The following KCNIP1 variants were observed in gnomAD, a reference collection of about 807,000 sequenced individuals.
KCNIP1 encodes the protein potassium voltage-gated channel interacting protein 1, also known as A-type potassium channel modulatory protein KCNIP1.
A neutral mutation model predicts 33.0 loss-of-function variants in KCNIP1; 18 were observed. The ratio of observed to expected loss-of-function variants is 0.55; its 90% CI spans 0.38 to 0.81. The LOEUF (loss-of-function observed/expected upper bound fraction) is 0.81. Ranked by LOEUF, KCNIP1 falls within the 30% of genes least tolerant of loss-of-function variation. The pLI, the probability that KCNIP1 is intolerant of heterozygous loss-of-function variation, is 0.00. For synonymous variants in KCNIP1, 93 were observed against 98.3 expected (o/e 0.95, Z 0.32); for missense variants, 238 against 271.6 (o/e 0.88, Z 0.87).
At chr5:170,595,330 G>A (rs1473575807) in intron 1 of KCNIP1, among the ~76,000 whole-genome samples, 2 of 152,258 alleles carry the variant, frequency 1.3e-5, no homozygotes, top group African/African-American at 4.8e-5. Flanking sequence ...TGCGTCTGAG[G>A]GGCTGTGCCC....
intron 1 of KCNIP1, among the ~76,000 whole-genome samples, chr5:170,363,622 G>A (rs148946600): frequency 6.6e-6 from 1 of 152,312 alleles, no homozygotes; most frequent in East Asian, 1.9e-4. Flanking sequence ...TGCGACATTC[G>A]ATTATGGCAG....
chr5:170,505,309 G>T (rs1754673357), intron 1 of KCNIP1, among the ~76,000 whole-genome samples: 1 of 152,290 alleles, frequency 6.6e-6, no homozygotes, highest in Admixed American at 6.5e-5. Flanking sequence ...GCCGAGGCAT[G>T]GCTGATCTCA....
chr5:170,635,027 ATTATTTAT>A (rs1219765056), intron 1 of KCNIP1, among the ~76,000 whole-genome samples: 1 of 151,962 alleles, frequency 6.6e-6, no homozygotes, highest in African/African-American at 2.4e-5. Context: ...TCTTTTATTT[ATTATTTAT>A]TTATTTATTT....
At chr5:170,483,058 A>G (rs10076544) in intron 1 of KCNIP1, 75,653 of 454,292 alleles carry the variant, frequency 0.17, 8,296 homozygotes, top group African/African-American at 0.34. Flanking sequence ...TTCCAAGGAC[A>G]GATGGAGTCA....
At chr5:170,539,070 T>G (rs1445084077) in intron 1 of KCNIP1, among the ~76,000 whole-genome samples, 1 of 152,030 alleles carries the variant, frequency 6.6e-6, no homozygotes, top group African/African-American at 2.4e-5. Context: ...CTCCAGAATC[T>G]GTCTCATTTC....
At chr5:170,661,209 C>T (rs1299278841) in intron 1 of KCNIP1, among the ~76,000 whole-genome samples, 5 of 152,168 alleles carry the variant, frequency 3.3e-5, no homozygotes, top group Non-Finnish European at 7.3e-5. Context: ...TTGAGTTACA[C>T]ATTTGAGGGC....
At chr5:170,418,115 C>A (rs1326719398) in intron 1 of KCNIP1, among the ~76,000 whole-genome samples, 4 of 152,180 alleles carry the variant, frequency 2.6e-5, no homozygotes, top group Non-Finnish European at 5.9e-5. Context: ...CTGAAATCAA[C>A]CTCAGTAATG....
chr5:170,667,706 G>A lies in KCNIP1; in HGVS notation c.62-51052G>A, dbSNP rs183228960. ...AGCCTGAGTTATTTAAACCTCACTAGGCACAATGTAAGGATAACAATATTG... is the reference window on the plus strand; with the variant it reads ...AGCCTGAGTTATTTAAACCTCACTAAGCACAATGTAAGGATAACAATATTG... On this transcript the variant is annotated intron_variant, in intron 1 of 7. Transcript: ENST00000328939. Among the ~76,000 whole-genome samples, 255 of 152,330 alleles carry A rather than the reference G, an allele frequency of 1.7e-3. 2 individuals are homozygous for A. The highest frequency in any genetic ancestry group is 0.011 in the South Asian group (53 of 4,824).
At chr5:170,430,868 A>G (rs1755724484) in intron 1 of KCNIP1, among the ~76,000 whole-genome samples, 2 of 152,100 alleles carry the variant, frequency 1.3e-5, no homozygotes, top group African/African-American at 4.8e-5. Flanking sequence ...TGACCCCTTC[A>G]CTAGTCTCAT....
intron 1 of KCNIP1, among the ~76,000 whole-genome samples, chr5:170,705,230 A>G (rs149440287): frequency 1.3e-5 from 2 of 152,346 alleles, no homozygotes; most frequent in African/African-American, 4.8e-5. Context: ...TGTGTCTGCC[A>G]AGGCTTCATT....
At chr5:170,418,967 C>T (rs193287165) in intron 1 of KCNIP1, among the ~76,000 whole-genome samples, 8 of 152,364 alleles carry the variant, frequency 5.3e-5, no homozygotes, top group Non-Finnish European at 2.9e-5. Context: ...TGAGTGTCCT[C>T]GCTAAGACGA....
In KCNIP1 at chr5:170,733,899, G is replaced by A; in HGVS notation, c.603+1G>A. On this transcript the variant is annotated splice_donor_variant, in intron 7 of 7. Transcript: ENST00000328939. LOFTEE classifies it high-confidence loss of function. ...TGAATTTCTTGAATCATGTCAGGAGGTAAGGAGAGATCTCAGGGCACAATA... is the reference window on the plus strand; with the variant it reads ...TGAATTTCTTGAATCATGTCAGGAGATAAGGAGAGATCTCAGGGCACAATA... The A allele has an allele frequency of 6.2e-7, 1 of 1,612,518 alleles. No individual in the cohort carries two copies.
chr5:170,410,990 A>G (rs1755170832), intron 1 of KCNIP1, among the ~76,000 whole-genome samples: 5 of 152,242 alleles, frequency 3.3e-5, no homozygotes, highest in Admixed American at 3.3e-4. Flanking sequence ...ATTTTCTATC[A>G]AAGTAAATAT....
At chr5:170,639,350 T>C (rs1441871893) in intron 1 of KCNIP1, 1 of 152,142 alleles carries the variant, frequency 6.6e-6, no homozygotes, top group Non-Finnish European at 1.5e-5. Context: ...TATCAAACTC[T>C]GAACAGAACG....
intron 1 of KCNIP1, among the ~76,000 whole-genome samples, chr5:170,371,354 C>A (rs1439653389): frequency 6.6e-6 from 1 of 152,184 alleles, no homozygotes; most frequent in Admixed American, 6.5e-5. Context: ...GGTGTGGCCC[C>A]AGGGAGTCAA....
chr5:170,571,974 A>G (rs931176758), intron 1 of KCNIP1, among the ~76,000 whole-genome samples: 26 of 152,228 alleles, frequency 1.7e-4, no homozygotes, highest in African/African-American at 6.3e-4. Flanking sequence ...ACAGAGAACT[A>G]TATCTCTACT....
chr5:170,543,451 G>T (rs542481340), intron 1 of KCNIP1, among the ~76,000 whole-genome samples: 113 of 152,174 alleles, frequency 7.4e-4, no homozygotes, highest in Non-Finnish European at 1.2e-3. Flanking sequence ...CAAAATGTAG[G>T]TTTTAGTGTC....
chr5:170,606,512 T>C (rs143076217), intron 1 of KCNIP1, among the ~76,000 whole-genome samples: 350 of 152,216 alleles, frequency 2.3e-3, no homozygotes, highest in African/African-American at 8.0e-3. Context: ...CTGATAGCCT[T>C]TGTGATCAAT....
intron 1 of KCNIP1, among the ~76,000 whole-genome samples, chr5:170,555,935 C>T (rs775898180): frequency 6.6e-6 from 1 of 152,160 alleles, no homozygotes; most frequent in Non-Finnish European, 1.5e-5. Context: ...AAACACCACC[C>T]AAGCCCAGCC....
Sources: allele counts gnomAD v4.1 joint callset (sites outside exome capture counted in the v4.1 genomes callset), GRCh38; gene constraint gnomAD v4.1.1; transcripts MANE v1.5; gene names NCBI Gene and HGNC (gene_info 2026-07-23, HGNC 2026-07-21).